MGA: variants seen among roughly 807,000 people sequenced by gnomAD.
MGA encodes MAX dimerization protein MGA, also known as MAX gene-associated protein.
Under a neutral mutation model 261.1 loss-of-function variants are expected in MGA, and 40 were observed. The observed-to-expected ratio is 0.15, with a 90% CI of 0.12 to 0.20. The LOEUF (loss-of-function observed/expected upper bound fraction) is 0.20, where lower values mean the gene tolerates loss of function less well. MGA is among the 10% of genes least tolerant of loss of function. The pLI is 1.00. For missense variants in MGA, 3,397 were observed against 3,630.5 expected (o/e 0.94, Z 1.65); for synonymous variants, 1,302 against 1,290.6 (o/e 1.01, Z -0.19).
intron 5 of MGA, among the ~76,000 whole-genome samples, chr15:41,706,715 C>T (rs1159819353): frequency 6.6e-6 from 1 of 151,552 alleles, no homozygotes; most frequent in Non-Finnish European, 1.5e-5. Context: ...TGAGTAGCTA[C>T]AGGCACATGC....
chr15:41,696,140 T>C lies in MGA; in HGVS notation c.1130T>C (p.Phe377Ser). 1 of 1,613,950 alleles carries C rather than the reference T, an allele frequency of 6.2e-7. No individual in the cohort carries two copies. Among genetic ancestry groups the C allele is most frequent in the Non-Finnish European group, 8.5e-7 (1 of 1,179,888 alleles). Residue 377 changes from phenylalanine to serine, a missense_variant, in exon 3 of 24, where the codon TTC (phenylalanine) becomes TCC (serine). Around this residue, in one of 9 missense-constraint regions of MGA, gnomAD observed 563 missense variants for 563.6 expected, o/e 1.00. Transcript: ENST00000219905. ...TCACCGTTAGACCAGAACGGAAGCT[T>C]CAATGTTGTTATTAAAGAGGAACCT...
intron 2 of MGA, among the ~76,000 whole-genome samples, chr15:41,682,215 C>T (rs2058720774): frequency 6.6e-6 from 1 of 152,154 alleles, no homozygotes. Context: ...CTGCACCCCC[C>T]TTCTACCTAC....
chr15:41,683,136 G>C (rs1040336620), intron 2 of MGA, among the ~76,000 whole-genome samples: 3 of 152,150 alleles, frequency 2.0e-5, no homozygotes, highest in Admixed American at 6.5e-5. Context: ...GCCCCCTTCT[G>C]CTTTCAGAAC....
intron 1 of MGA, among the ~76,000 whole-genome samples, chr15:41,636,921 C>A (rs1457588013): frequency 2.0e-5 from 3 of 152,006 alleles, no homozygotes; most frequent in South Asian, 2.1e-4. Context: ...TGGAACCAGT[C>A]CCCATAAATA....
At chr15:41,730,736 C>T (rs571297763) in intron 11 of MGA, among the ~76,000 whole-genome samples, 45 of 152,268 alleles carry the variant, frequency 3.0e-4, no homozygotes, top group Admixed American at 1.4e-3. Flanking sequence ...TCTTTTAGTC[C>T]GTTATATGCT....
chr15:41,743,221 A>AT, intron 15 of MGA, 49 bp downstream of exon 15: 6 of 1,513,142 alleles, frequency 4.0e-6, no homozygotes, highest in Non-Finnish European at 5.3e-6. Context: ...ACACCTATTT[A>AT]TATAACTTTG....
Position 41,696,887 on chromosome 15 carries a change from G to A in MGA, c.1877G>A (p.Gly626Glu), listed in dbSNP as rs1430724265. The change falls in exon 3 of 24, where the codon GGA (glycine) becomes GAA (glutamate). Residue 626 changes from glycine to glutamate, a missense_variant. Around this residue, in one of 9 missense-constraint regions of MGA, gnomAD observed 563 missense variants for 563.6 expected, o/e 1.00. Transcript: ENST00000219905. ...CGAAAATTGAAACTCTGTAAGGCAG[G>A]ACGACCACCTAAGAACACAGGAAAG... 1.9e-6 allele frequency: 3 copies of A among 1,598,190 alleles called. No homozygotes were observed. The highest frequency in any genetic ancestry group is 2.2e-5 in the East Asian group (1 of 44,508).
In MGA at chr15:41,742,765, C is replaced by G; in HGVS notation, c.4805C>G (p.Pro1602Arg). 6.2e-7 allele frequency: 1 copy of G among 1,614,008 alleles called. No individual in the cohort carries two copies. The highest frequency in any genetic ancestry group is 8.5e-7 in the Non-Finnish European group (1 of 1,179,892). The change falls in exon 15 of 24, where the codon CCT becomes CGT. Residue 1602 changes from proline (P) to arginine (R), a missense_variant. Pro to Arg is a moderately radical substitution (Grantham distance 103). Coordinates refer to ENST00000219905, the MANE Select transcript of MGA (RefSeq NM_001164273.2). ...ACTGCTGCTGTCACTACTACCACCCCTCAAGTGTTTTTAGAAAATACTACT... is the reference window on the plus strand; with the variant it reads ...ACTGCTGCTGTCACTACTACCACCCGTCAAGTGTTTTTAGAAAATACTACT...
chr15:41,656,958 A>G (rs1053734118), upstream of MGA, among the ~76,000 whole-genome samples: 1 of 151,986 alleles, frequency 6.6e-6, no homozygotes, highest in Non-Finnish European at 1.5e-5. Context: ...TATTTTGCAG[A>G]GATGGGTTCT....
intron 22 of MGA, 88 bp downstream of exon 22, chr15:41,762,450 A>C: frequency 1.6e-5 from 3 of 187,766 alleles, no homozygotes; most frequent in Non-Finnish European, 1.9e-5. Flanking sequence ...CCACATTTTT[A>C]GTTTTGTGTG....
intron 19 of MGA, 121 bp from the exon 20 acceptor site, chr15:41,760,202 G>A (rs550232544): frequency 3.5e-6 from 3 of 849,392 alleles, no homozygotes; most frequent in African/African-American, 3.4e-5. Flanking sequence ...CAATTGAGAG[G>A]CTGTTACAAC....
chr15:41,673,278 T>C (rs2058173544), intron 2 of MGA, among the ~76,000 whole-genome samples: 1 of 151,962 alleles, frequency 6.6e-6, no homozygotes, highest in Non-Finnish European at 1.5e-5. Flanking sequence ...AGTGCAGTGG[T>C]GTGATCTTGG....
chr15:41,720,891 G>A (rs1255530781), intron 9 of MGA, among the ~76,000 whole-genome samples: 1 of 152,130 alleles, frequency 6.6e-6, no homozygotes, highest in Non-Finnish European at 1.5e-5. Context: ...TGATTTGACA[G>A]AAGTGGCGAA....
chr15:41,766,934 C>T lies in MGA; in HGVS notation c.8852C>T (p.Thr2951Ile). The T allele has an allele frequency of 1.9e-6, 3 of 1,613,998 alleles. No individual in the cohort carries two copies. Among genetic ancestry groups the T allele is most frequent in the Non-Finnish European group, 2.5e-6 (3 of 1,179,864 alleles). Residue 2951 changes from threonine to isoleucine, a missense_variant, in exon 24 of 24, where the codon ACT becomes ATT. Physicochemically the swap from Thr to Ile is moderately conservative, Grantham distance 89 (BLOSUM62 -1). This residue lies in a region of MGA where 647 missense variants were observed against 642.4 expected (regional missense o/e 1.01). Coordinates refer to ENST00000219905, the MANE Select transcript of MGA (RefSeq NM_001164273.2). The stretch of plus-strand genomic sequence containing the variant: ...AAAGCTATTGATGGAGGGAAGAATA[C>T]TTCTGGCCTCCCTGCAGAGCCCGAA...
intron 1 of MGA, among the ~76,000 whole-genome samples, chr15:41,639,264 C>T (rs1469787372): frequency 6.6e-6 from 1 of 152,036 alleles, no homozygotes; most frequent in Non-Finnish European, 1.5e-5. Context: ...TTTTATGGCC[C>T]CTTCTCTGGC....
intron 1 of MGA, among the ~76,000 whole-genome samples, chr15:41,644,231 T>C (rs2056886607): frequency 6.6e-6 from 1 of 150,492 alleles, no homozygotes; most frequent in African/African-American, 2.4e-5. Context: ...CCAGGTACAG[T>C]GAGTGGATGG....
intron 9 of MGA, among the ~76,000 whole-genome samples, chr15:41,723,286 C>T (rs1472085128): frequency 6.6e-6 from 1 of 152,082 alleles, no homozygotes; most frequent in Non-Finnish European, 1.5e-5. Flanking sequence ...ATCAAGTGAA[C>T]AGTGGGCCAG....
intron 2 of MGA, among the ~76,000 whole-genome samples, chr15:41,678,145 C>T (rs2058480462): frequency 6.8e-6 from 1 of 147,774 alleles, no homozygotes; most frequent in South Asian, 2.1e-4. Flanking sequence ...GGCTGGAGTG[C>T]AGTGGTGTGA....
chr15:41,655,384 G>A (rs1458945315), intron 1 of MGA, among the ~76,000 whole-genome samples: 1 of 151,890 alleles, frequency 6.6e-6, no homozygotes, highest in Non-Finnish European at 1.5e-5. Context: ...TGTTGGCAAG[G>A]CTGATCTCGA....
Sources: allele counts gnomAD v4.1 joint callset (sites outside exome capture counted in the v4.1 genomes callset), GRCh38; gene constraint gnomAD v4.1.1; regional missense constraint gnomAD v4.1.1; transcripts MANE v1.5; gene names NCBI Gene and HGNC (gene_info 2026-07-23, HGNC 2026-07-21).